PDZD2: variants seen among roughly 807,000 people sequenced by gnomAD.
PDZD2 encodes PDZ domain-containing protein 2.
In PDZD2, 90 loss-of-function variants were observed where a neutral mutation model predicts 220.7. That is an observed-to-expected ratio of 0.41 (90% CI 0.34 to 0.49). PDZD2 has a LOEUF of 0.49. Among genes scored for constraint, PDZD2 ranks in the 20% least tolerant of loss-of-function variants. The pLI is 0.28. For synonymous variants in PDZD2, 1,375 were observed against 1,450.5 expected, an observed-to-expected ratio of 0.95 and a Z score of 1.18; for missense variants, 3,174 against 3,608.5, an observed-to-expected ratio of 0.88 and a Z score of 3.08.
At chr5:31,954,889 A>G (rs1055406717) in intron 2 of PDZD2, among the ~76,000 whole-genome samples, 7 of 152,152 alleles carry the variant, frequency 4.6e-5, no homozygotes, top group Non-Finnish European at 1.0e-4. Flanking sequence ...GTGAGCCGAG[A>G]TCGCGCCATT....
At chr5:32,002,028 T>C (rs1752171077) in intron 5 of PDZD2, among the ~76,000 whole-genome samples, 2 of 152,212 alleles carry the variant, frequency 1.3e-5, no homozygotes, top group African/African-American at 4.8e-5. Context: ...TCTGTTGTTA[T>C]TTCAAACCTG....
At chr5:31,850,478 G>A (rs186810483) in intron 2 of PDZD2, among the ~76,000 whole-genome samples, 19 of 151,720 alleles carry the variant, frequency 1.3e-4, no homozygotes, top group East Asian at 1.9e-4. Flanking sequence ...AATAGAAGGC[G>A]TTTTCTAGCC....
chr5:31,792,150 A>G (rs1753764365), intron 1 of PDZD2, among the ~76,000 whole-genome samples: 1 of 152,242 alleles, frequency 6.6e-6, no homozygotes, highest in Admixed American at 6.5e-5. Context: ...TATCAGGTAG[A>G]GAGCCACACG....
intron 1 of PDZD2, among the ~76,000 whole-genome samples, chr5:31,707,872 TC>T (rs1747901690): frequency 6.6e-6 from 1 of 152,062 alleles, no homozygotes; most frequent in African/African-American, 2.4e-5. Context: ...AAGTGATCCT[TC>T]CGCCTCAGCC....
intron 1 of PDZD2, among the ~76,000 whole-genome samples, chr5:31,766,474 A>G (rs1345567857): frequency 6.6e-6 from 1 of 151,722 alleles, no homozygotes; most frequent in African/African-American, 2.4e-5. Flanking sequence ...CTTGACCTCT[A>G]TAGCCTCAGA....
At position 32,074,525 on chromosome 5, in the gene PDZD2, CACAG is replaced by C; in HGVS notation, c.3424_3427del (p.Thr1142Ter). On this transcript the variant is annotated frameshift_variant, in exon 18 of 25. Transcript: ENST00000438447. LOFTEE classifies it high-confidence loss of function. The stretch of plus-strand genomic sequence containing the variant: ...GAGGCTGAGGCCAAGCCCAGTGGCT[CACAG>C]ACAGTGAACCTGACTGGCAGAGCCA... 1 of 1,614,106 alleles carries C rather than the reference CACAG, an allele frequency of 6.2e-7. No individual in the cohort carries two copies. The highest frequency in any genetic ancestry group is 1.3e-5 in the African/African-American group (1 of 75,078).
chr5:31,786,727 G>A (rs901635967), intron 1 of PDZD2, among the ~76,000 whole-genome samples: 1 of 152,126 alleles, frequency 6.6e-6, no homozygotes, highest in Non-Finnish European at 1.5e-5. Context: ...ACCTCATTTG[G>A]CAGGTAAGGA....
intron 1 of PDZD2, among the ~76,000 whole-genome samples, chr5:31,760,048 C>T (rs59486993): frequency 0.064 from 9,740 of 152,212 alleles, 510 homozygotes; most frequent in African/African-American, 0.14. Flanking sequence ...GTTCTGCTCC[C>T]GGTAAAGCAG....
intron 2 of PDZD2, among the ~76,000 whole-genome samples, chr5:31,897,732 TTGAC>T (rs1343060991): frequency 8.0e-6 from 1 of 124,500 alleles, no homozygotes; most frequent in Non-Finnish European, 1.7e-5. Context: ...CTCATTTTGT[TTGAC>T]TGTTGGCTTT....
In PDZD2 at chr5:31,639,603, G is replaced by GGC. The variant is rs1342945157; in HGVS notation, c.-361+167_-361+168insCG. On this transcript the variant is annotated intron_variant, in intron 1 of 24. Transcript: ENST00000438447. The surrounding 1 kb of genome is among the most constrained non-coding windows in gnomAD (Gnocchi z 4.1). ...GCGGGGAGTGAGGACGCCGAACCGG[G>GGC]GTCCCACGTTGGGCGGCGCAAACTC... Among the ~76,000 whole-genome samples, 3 of 152,188 alleles carry GGC rather than the reference G, an allele frequency of 2.0e-5. No homozygotes were observed. The highest frequency in any genetic ancestry group is 4.4e-5 in the Non-Finnish European group (3 of 68,018).
At chr5:31,849,940 A>AG in intron 2 of PDZD2, among the ~76,000 whole-genome samples, 1 of 31,470 alleles carries the variant, frequency 3.2e-5, no homozygotes, top group Non-Finnish European at 5.0e-5. Flanking sequence ...ATACACATAT[A>AG]TATATATACA....
chr5:32,000,279 G>A lies in PDZD2; in HGVS notation c.1254+8G>A, dbSNP rs367738451. 121 of 1,613,984 alleles carry A rather than the reference G, an allele frequency of 7.5e-5. No individual in the cohort carries two copies. The highest frequency in any genetic ancestry group is 3.4e-4 in the South Asian group (31 of 91,072). On this transcript the variant is annotated splice_region_variant and intron_variant, in intron 5 of 24. Transcript: ENST00000438447. This position sits in a 1 kb window ranked among gnomAD's most constrained non-coding sequence, Gnocchi z 4.5. ...CTTGTGGTGGCCAGCAAGGTAGGTC[G>A]TGTTTGTTTTTTGGTACTCGTAATG...
rs185610172 is a variant in PDZD2 at position 31,968,156 on chromosome 5, G to A, written c.477-14999G>A. On this transcript the variant is annotated intron_variant, in intron 2 of 24. Transcript: ENST00000438447. ...GCACTTATAAAAGAGACTTCAGTTC[G>A]TGACCAGCCTGGCCAACATGGTGAA... is the stretch of plus-strand genomic sequence containing the variant. 1.4e-3 allele frequency among the ~76,000 whole-genome samples: 213 copies of A among 152,268 alleles called. 2 individuals are homozygous for A. Among genetic ancestry groups the A allele is most frequent in the African/African-American group, 5.0e-3 (206 of 41,552 alleles).
rs1752166475 is a variant in PDZD2, at chr5:32,001,994, A to G, written c.1254+1723A>G. ...TGTGCAGCATGACGCTCTTGCTAAT[A>G]TGGGGAATCCTTTTTCCATGATCTC... On this transcript the variant is annotated intron_variant, in intron 5 of 24. Coordinates refer to ENST00000438447, the MANE Select transcript of PDZD2 (RefSeq NM_178140.4). Among the ~76,000 whole-genome samples, 3 of 152,166 alleles carry G rather than the reference A, an allele frequency of 2.0e-5. No individual in the cohort carries two copies. In the South Asian group the frequency reaches 6.2e-4, roughly 32 times the overall value.
At chr5:31,769,003 C>T (rs754741432) in intron 1 of PDZD2, among the ~76,000 whole-genome samples, 1 of 152,192 alleles carries the variant, frequency 6.6e-6, no homozygotes, top group Non-Finnish European at 1.5e-5. Context: ...TAAATTCGTC[C>T]AGAATGAATG....
chr5:31,919,630 G>A (rs1285153761), intron 2 of PDZD2, among the ~76,000 whole-genome samples: 1 of 149,518 alleles, frequency 6.7e-6, no homozygotes, highest in Non-Finnish European at 1.5e-5. Context: ...TCAGGTGTGA[G>A]CCACAGCGCC....
intron 1 of PDZD2, among the ~76,000 whole-genome samples, chr5:31,740,558 A>AAAAAAAAAAAAC (rs1475550222): frequency 4.9e-5 from 7 of 141,514 alleles, no homozygotes; most frequent in Non-Finnish European, 9.2e-5. Flanking sequence ...AAAAAAAAAA[A>AAAAAAAAAAAAC]TCTGCTGTTG....
chr5:31,993,199 A>C (rs936175235), intron 3 of PDZD2, among the ~76,000 whole-genome samples: 11 of 152,340 alleles, frequency 7.2e-5, no homozygotes, highest in Admixed American at 5.9e-4. Context: ...CATAGAGTCC[A>C]AAATGAGGTG....
In PDZD2 at chr5:32,087,997, A is replaced by G. The variant is rs745487956; in HGVS notation, c.4549A>G (p.Lys1517Glu). The G allele has an allele frequency of 1.5e-5, 24 of 1,614,108 alleles. No homozygotes were observed. Among genetic ancestry groups the G allele is most frequent in the Non-Finnish European group, 1.9e-5 (23 of 1,180,034 alleles). The change falls in exon 20 of 25, where the codon AAA (lysine) becomes GAA (glutamate). Residue 1517 changes from lysine (K) to glutamate (E), a missense_variant. Around this residue, in one of 4 missense-constraint regions of PDZD2, gnomAD observed 1,861 missense variants for 2,001.0 expected, o/e 0.93. Coordinates refer to ENST00000438447, the MANE Select transcript of PDZD2 (RefSeq NM_178140.4). The surrounding 1 kb of genome is among the most constrained non-coding windows in gnomAD (Gnocchi z 4.0). The stretch of plus-strand genomic sequence containing the variant: ...TCCCGACAAACATTTTACTGTGAAC[A>G]AAAACTTTCTGAGCAACTACTCTAG... Reference protein sequence around the residue: ...INPDKHFTVNKNFLSNYSRNF... With the variant: ...INPDKHFTVNENFLSNYSRNF...
Sources: allele counts gnomAD v4.1 joint callset (sites outside exome capture counted in the v4.1 genomes callset), GRCh38; gene constraint gnomAD v4.1.1; regional missense constraint gnomAD v4.1.1; non-coding constraint Gnocchi (gnomAD v3.1); transcripts MANE v1.5; gene names NCBI Gene and HGNC (gene_info 2026-07-23, HGNC 2026-07-21).